The following ERGIC1 variants were observed in gnomAD, a reference collection of about 807,000 sequenced individuals.
ERGIC1 encodes the protein endoplasmic reticulum-golgi intermediate compartment 1.
A neutral mutation model predicts 38.3 loss-of-function variants in ERGIC1; 19 were observed. The ratio of observed to expected loss-of-function variants is 0.50; its 90% CI spans 0.35 to 0.73. ERGIC1 has a LOEUF of 0.73. ERGIC1 is among the 30% of genes least tolerant of loss of function. The pLI, the probability that ERGIC1 is intolerant of heterozygous loss-of-function variation, is 0.01. For synonymous variants in ERGIC1, 124 were observed against 157.6 expected (o/e 0.79, Z 1.60); for missense variants, 294 against 389.2 (o/e 0.76, Z 2.06).
intron 1 of ERGIC1, among the ~76,000 whole-genome samples, chr5:172,887,943 C>T (rs376843507): frequency 6.6e-6 from 1 of 152,264 alleles, no homozygotes; most frequent in African/African-American, 2.4e-5. Context: ...GGAGAGGTGA[C>T]GTGGAGCAAG....
chr5:172,883,585 TCCCC>T (rs34413200), intron 1 of ERGIC1, among the ~76,000 whole-genome samples: 1 of 152,170 alleles, frequency 6.6e-6, no homozygotes, highest in Non-Finnish European at 1.5e-5. Flanking sequence ...TTAGGCAGGA[TCCCC>T]CAGAAGTGGT....
chr5:172,935,478 A>G (rs1201223173), intron 9 of ERGIC1, 168 bp downstream of exon 9: 28 of 799,958 alleles, frequency 3.5e-5, no homozygotes, highest in Non-Finnish European at 5.0e-5. Flanking sequence ...ATGCTGAGAA[A>G]TGTTGTCAGA....
chr5:172,872,410 TATC>T (rs1004463049), intron 1 of ERGIC1, among the ~76,000 whole-genome samples: 2 of 152,162 alleles, frequency 1.3e-5, no homozygotes, highest in African/African-American at 4.8e-5. Context: ...GCTCAGTAAA[TATC>T]ATTCTCCTTC....
At chr5:172,872,558 T>C (rs1406142230) in intron 1 of ERGIC1, among the ~76,000 whole-genome samples, 2 of 152,210 alleles carry the variant, frequency 1.3e-5, no homozygotes, top group Non-Finnish European at 2.9e-5. Context: ...CTCACACCCG[T>C]AATCCCAGCA....
chr5:172,932,656 T>C (rs1182676925), intron 8 of ERGIC1, 120 bp downstream of exon 8: 6 of 1,013,854 alleles, frequency 5.9e-6, no homozygotes, highest in South Asian at 1.5e-5. Context: ...AGGCCTTTCC[T>C]GGGGGTTAGC....
intron 1 of ERGIC1, among the ~76,000 whole-genome samples, chr5:172,887,553 G>A (rs1762453813): frequency 6.6e-6 from 1 of 152,208 alleles, no homozygotes; most frequent in Non-Finnish European, 1.5e-5. Flanking sequence ...GTGAACGAGA[G>A]GACCAGCCGA....
At chr5:172,868,191 G>A (rs962510292) in intron 1 of ERGIC1, among the ~76,000 whole-genome samples, 1 of 152,204 alleles carries the variant, frequency 6.6e-6, no homozygotes, top group African/African-American at 2.4e-5. Flanking sequence ...CCTTACTCCT[G>A]TGAGGTAAGC....
chr5:172,920,811 C>T (rs1272337950), intron 5 of ERGIC1, among the ~76,000 whole-genome samples: 3 of 152,214 alleles, frequency 2.0e-5, no homozygotes. Flanking sequence ...TGTGTCACTG[C>T]GTAGAAAACC....
chr5:172,911,575 T>C (rs746783093), intron 4 of ERGIC1, among the ~76,000 whole-genome samples: 2 of 152,090 alleles, frequency 1.3e-5, no homozygotes, highest in Admixed American at 6.6e-5. Context: ...ACATTTTTAT[T>C]ATAGGAAAAA....
chr5:172,939,313 A>C (rs1050905551), intron 9 of ERGIC1, among the ~76,000 whole-genome samples: 1 of 152,226 alleles, frequency 6.6e-6, no homozygotes, highest in South Asian at 2.1e-4. Context: ...AGAGGGCGCC[A>C]TCCCCTTTGT....
intron 1 of ERGIC1, among the ~76,000 whole-genome samples, chr5:172,843,398 C>T (rs1265158730): frequency 6.6e-6 from 1 of 152,146 alleles, no homozygotes; most frequent in Non-Finnish European, 1.5e-5. Flanking sequence ...GAGCCTGGCA[C>T]CTCACATGGT....
At chr5:172,857,588 G>GA (rs1761582691) in intron 1 of ERGIC1, among the ~76,000 whole-genome samples, 2 of 132,606 alleles carry the variant, frequency 1.5e-5, no homozygotes, top group African/African-American at 2.8e-5. Context: ...TAATAATGGT[G>GA]CCCCCCCCAC....
chr5:172,940,200 C>T (rs1763979514), intron 9 of ERGIC1, among the ~76,000 whole-genome samples: 1 of 152,110 alleles, frequency 6.6e-6, no homozygotes, highest in African/African-American at 2.4e-5. Context: ...CAGGTTGCCC[C>T]CTCCAGGGTC....
intron 1 of ERGIC1, among the ~76,000 whole-genome samples, chr5:172,868,520 A>G (rs995855940): frequency 6.6e-6 from 1 of 152,246 alleles, no homozygotes; most frequent in African/African-American, 2.4e-5. Flanking sequence ...TGGAGACGGT[A>G]AAAGATCAGC....
At position 172,932,706 on chromosome 5, in the gene ERGIC1, A is replaced by G. The variant is rs566290362; in HGVS notation, c.642+170A>G. The stretch of plus-strand genomic sequence containing the variant: ...GTCCCTGGGTAAAATTGAAAAGCCC[A>G]GTCCCTGCCATGTGGCAGTCTCAGA... On this transcript the variant is annotated intron_variant, in intron 8 of 9. Transcript: ENST00000393784. 1.7e-5 allele frequency: 11 copies of G among 631,558 alleles called. No homozygotes were observed. In the South Asian group the frequency reaches 1.9e-4, roughly 11 times the overall value. The allele number at this position is 631,558 out of a possible 1,614,324, so 39.1% of individuals were successfully genotyped here.
At chr5:172,867,226 C>G (rs1156843325) in intron 1 of ERGIC1, 5 of 454,964 alleles carry the variant, frequency 1.1e-5, no homozygotes, top group Non-Finnish European at 2.2e-5. Flanking sequence ...GGCAGCCCCT[C>G]CCTCCTGGCA....
intron 9 of ERGIC1, among the ~76,000 whole-genome samples, chr5:172,940,298 C>T (rs191793832): frequency 7.2e-5 from 11 of 152,328 alleles, no homozygotes; most frequent in African/African-American, 2.6e-4. Flanking sequence ...GAGCTTCTCT[C>T]TCTCGGCACG....
chr5:172,924,903 C>G (rs866438198), intron 6 of ERGIC1, among the ~76,000 whole-genome samples: 1 of 152,158 alleles, frequency 6.6e-6, no homozygotes, highest in African/African-American at 2.4e-5. Flanking sequence ...TCCCTGCCCA[C>G]CTGGAGCTTC....
chr5:172,925,967 C>T (rs1763641555), intron 6 of ERGIC1, among the ~76,000 whole-genome samples: 1 of 152,166 alleles, frequency 6.6e-6, no homozygotes, highest in African/African-American at 2.4e-5. Context: ...ATCTGCTATA[C>T]GTTCTCTGCA....
Sources: gnomAD v4.1 joint callset for allele counts (sites outside exome capture counted in the v4.1 genomes callset) on GRCh38, gnomAD v4.1.1 for gene constraint, MANE v1.5 for transcripts, NCBI Gene and HGNC (gene_info 2026-07-23, HGNC 2026-07-21) for gene names.